The following PTK2 variants were observed in gnomAD, a reference collection of about 807,000 sequenced individuals.
PTK2 encodes the protein protein tyrosine kinase 2.
A neutral mutation model predicts 150.1 loss-of-function variants in PTK2; 45 were observed. The observed-to-expected ratio is 0.30, with a 90% confidence interval of 0.24 to 0.38. The LOEUF is 0.38. PTK2 is among the 10% of genes least tolerant of loss of function. The probability of loss-of-function intolerance (pLI) is 1.00; values close to 1 mark genes in which losing one functional copy is unlikely to be tolerated. For missense variants in PTK2, 919 were observed against 1,307.3 expected (o/e 0.70, Z 4.58); for synonymous variants, 432 against 449.2 (o/e 0.96, Z 0.48).
intron 30 of PTK2, among the ~76,000 whole-genome samples, chr8:140,667,343 G>C (rs775333894): frequency 6.6e-6 from 1 of 152,116 alleles, no homozygotes; most frequent in East Asian, 1.9e-4. Flanking sequence ...AGCAAATTTC[G>C]ACCACACTCT....
intron 11 of PTK2, among the ~76,000 whole-genome samples, chr8:140,801,750 C>T (rs188407874): frequency 1.3e-5 from 2 of 152,166 alleles, no homozygotes; most frequent in East Asian, 3.9e-4. Context: ...TCATGGACAA[C>T]ACAGTGTGGA....
intron 27 of PTK2, among the ~76,000 whole-genome samples, chr8:140,676,557 G>A (rs1181859081): frequency 1.4e-5 from 2 of 143,914 alleles, no homozygotes; most frequent in South Asian, 2.2e-4. Context: ...ATACACATAC[G>A]TAAGAATGTG....
chr8:140,961,648 C>T (rs541205790), intron 1 of PTK2, among the ~76,000 whole-genome samples: 2 of 148,846 alleles, frequency 1.3e-5, no homozygotes, highest in South Asian at 2.1e-4. Context: ...AGCGACACAG[C>T]GAGACTCCAT....
rs930716033 is a variant in PTK2, at chr8:140,665,148, G to A, written c.2866-151C>T. The stretch of plus-strand genomic sequence containing the variant: ...TGCTTAGCCCTATCTTGTAAGTTAT[G>A]AGGCTCCTTTTTCTCCCAAAAGATT... On this transcript the variant is annotated intron_variant, in intron 30 of 31. Transcript: ENST00000522684. The A allele has an allele frequency of 4.4e-6, 3 of 686,600 alleles. No individual in the cohort carries two copies. In the African/African-American group the frequency reaches 5.4e-5, roughly 12 times the overall value. The allele number at this position is 686,600 out of a possible 1,614,324, so 42.5% of individuals were successfully genotyped here.
chr8:140,932,091 C>T (rs1040220566), intron 1 of PTK2, among the ~76,000 whole-genome samples: 8 of 152,192 alleles, frequency 5.3e-5, no homozygotes, highest in African/African-American at 1.9e-4. Flanking sequence ...CTTTCCCCCA[C>T]TGACCCCATT....
chr8:140,815,223 C>CAA (rs775197648), intron 10 of PTK2, among the ~76,000 whole-genome samples: 5 of 132,014 alleles, frequency 3.8e-5, no homozygotes, highest in Non-Finnish European at 8.3e-5. Flanking sequence ...ATTATGCAGC[C>CAA]AAAAAAAAAA....
intron 6 of PTK2, 102 bp from the exon 7 acceptor site, chr8:140,846,424 T>C (rs1598403980): frequency 7.8e-7 from 1 of 1,275,766 alleles, no homozygotes; most frequent in Non-Finnish European, 1.1e-6. Context: ...TAAACAAAAA[T>C]TAACAGCAAC....
intron 20 of PTK2, among the ~76,000 whole-genome samples, chr8:140,741,904 G>A (rs571761338): frequency 2.6e-5 from 4 of 152,230 alleles, no homozygotes; most frequent in South Asian, 2.1e-4. Context: ...TTTGTGAGGC[G>A]GAGGCAGGAG....
intron 7 of PTK2, among the ~76,000 whole-genome samples, chr8:140,831,219 A>ATAGC (rs2100115171): frequency 6.6e-6 from 1 of 152,240 alleles, no homozygotes. Flanking sequence ...GTTGGAAAGA[A>ATAGC]TAGCTGATTC....
At chr8:140,946,607 G>A (rs1047506903) in intron 1 of PTK2, among the ~76,000 whole-genome samples, 1 of 152,096 alleles carries the variant, frequency 6.6e-6, no homozygotes, top group Non-Finnish European at 1.5e-5. Flanking sequence ...GTGGTTTCCC[G>A]CATGAATACA....
At chr8:140,753,899 A>C (rs2100064173) in intron 16 of PTK2, among the ~76,000 whole-genome samples, 1 of 152,240 alleles carries the variant, frequency 6.6e-6, no homozygotes. Flanking sequence ...AATGCTATTA[A>C]TATATTTCTT....
chr8:140,709,572 A>G (rs1428232693), intron 23 of PTK2, among the ~76,000 whole-genome samples: 1 of 152,182 alleles, frequency 6.6e-6, no homozygotes, highest in Non-Finnish European at 1.5e-5. Context: ...GTGTCTCCCT[A>G]TTGTCAATGA....
chr8:140,730,444 C>T (rs906638561), intron 22 of PTK2, among the ~76,000 whole-genome samples: 1 of 152,166 alleles, frequency 6.6e-6, no homozygotes, highest in Non-Finnish European at 1.5e-5. Flanking sequence ...ATACCATTTA[C>T]ATCATGTTCA....
At chr8:140,818,452 G>C in intron 9 of PTK2, 98 bp from the exon 10 acceptor site, 3 of 1,062,598 alleles carry the variant, frequency 2.8e-6, no homozygotes, top group Non-Finnish European at 4.3e-6. Flanking sequence ...CAAAGCAGGG[G>C]CTGGTTTGGT....
chr8:140,734,061 TC>T, intron 22 of PTK2, among the ~76,000 whole-genome samples: 1 of 152,312 alleles, frequency 6.6e-6, no homozygotes, highest in Non-Finnish European at 1.5e-5. Context: ...AGGTCTTAAT[TC>T]TTCTTTGAAA....
intron 1 of PTK2, among the ~76,000 whole-genome samples, chr8:140,962,444 T>C (rs997592843): frequency 6.6e-6 from 1 of 152,166 alleles, no homozygotes; most frequent in African/African-American, 2.4e-5. Context: ...TCTATCAGTA[T>C]ACTATGCCTA....
At chr8:140,709,425 C>A (rs767605602) in intron 23 of PTK2, among the ~76,000 whole-genome samples, 1 of 152,198 alleles carries the variant, frequency 6.6e-6, no homozygotes, top group Non-Finnish European at 1.5e-5. Context: ...TGCTAACCAA[C>A]AGCCATGGAG....
At chr8:140,707,233 T>C (rs944193979) in intron 23 of PTK2, among the ~76,000 whole-genome samples, 1 of 151,992 alleles carries the variant, frequency 6.6e-6, no homozygotes, top group Non-Finnish European at 1.5e-5. Context: ...GGATTTCATT[T>C]TGGGGGTGAT....
At chr8:140,936,566 TAA>T (rs772086267) in intron 1 of PTK2, among the ~76,000 whole-genome samples, 1 of 141,664 alleles carries the variant, frequency 7.1e-6, no homozygotes. Flanking sequence ...TTAGTTGCCC[TAA>T]AAAAAAAAAA....
Sources: allele counts gnomAD v4.1 joint callset (sites outside exome capture counted in the v4.1 genomes callset), GRCh38; gene constraint gnomAD v4.1.1; transcripts MANE v1.5; gene names NCBI Gene and HGNC (gene_info 2026-07-23, HGNC 2026-07-21).